The following WWOX variants were observed in gnomAD, a reference collection of about 807,000 sequenced individuals.
WWOX encodes WW domain-containing oxidoreductase.
Under a neutral mutation model 46.2 loss-of-function variants are expected in WWOX, and 69 were observed. The ratio of observed to expected loss-of-function variants is 1.49; its 90% CI spans 1.23 to 1.82. The LOEUF (loss-of-function observed/expected upper bound fraction) is 1.82, where lower values mean the gene tolerates loss of function less well. WWOX is among the 40% of genes most tolerant of loss of function. The pLI is 0.00. For synonymous variants in WWOX, 359 were observed against 202.6 expected, an observed-to-expected ratio of 1.77 and a Z score of -6.56; for missense variants, 919 against 542.6, an observed-to-expected ratio of 1.69 and a Z score of -6.89.
intron 8 of WWOX, among the ~76,000 whole-genome samples, chr16:78,450,675 G>A (rs949462182): frequency 2.0e-5 from 3 of 151,914 alleles, no homozygotes. Context: ...TCTGTTTTTT[G>A]ATCTTAGAAC....
At chr16:79,129,538 A>G (rs1325657613) in intron 8 of WWOX, among the ~76,000 whole-genome samples, 2 of 151,794 alleles carry the variant, frequency 1.3e-5, no homozygotes, top group East Asian at 1.9e-4. Context: ...TTTATTCCGA[A>G]AGACTGCTGT....
At chr16:78,965,585 G>T (rs941824897) in intron 8 of WWOX, among the ~76,000 whole-genome samples, 1 of 149,122 alleles carries the variant, frequency 6.7e-6, no homozygotes, top group African/African-American at 2.5e-5. Flanking sequence ...AAAAAAAAAT[G>T]CCCGCCTTAT....
At chr16:78,334,560 A>G (rs747025929) in intron 5 of WWOX, among the ~76,000 whole-genome samples, 12 of 152,320 alleles carry the variant, frequency 7.9e-5, no homozygotes, top group Admixed American at 2.0e-4. Flanking sequence ...ATTCTGTTCA[A>G]TTATTTTCAC....
intron 4 of WWOX, among the ~76,000 whole-genome samples, chr16:78,124,669 A>G (rs775386082): frequency 9.2e-5 from 14 of 152,206 alleles, no homozygotes; most frequent in Non-Finnish European, 1.8e-4. Flanking sequence ...ACACAAGCCT[A>G]ACTGAATGGG....
At chr16:79,186,107 G>C (rs763257256) in intron 8 of WWOX, among the ~76,000 whole-genome samples, 2 of 152,116 alleles carry the variant, frequency 1.3e-5, no homozygotes, top group Non-Finnish European at 2.9e-5. Flanking sequence ...GTGGGCCTCT[G>C]TGTTCACACA....
At chr16:78,842,222 A>T (rs2052170741) in intron 8 of WWOX, among the ~76,000 whole-genome samples, 1 of 151,928 alleles carries the variant, frequency 6.6e-6, no homozygotes, top group Non-Finnish European at 1.5e-5. Context: ...GGTTGGGTGC[A>T]GTGGCTCTCT....
intron 8 of WWOX, among the ~76,000 whole-genome samples, chr16:78,944,927 C>G (rs758912011): frequency 6.6e-6 from 1 of 152,068 alleles, no homozygotes; most frequent in Non-Finnish European, 1.5e-5. Context: ...ACCTGTAATC[C>G]CAGCACTTTC....
chr16:78,621,772 T>G (rs2046195263), intron 8 of WWOX, among the ~76,000 whole-genome samples: 1 of 151,526 alleles, frequency 6.6e-6, no homozygotes, highest in African/African-American at 2.4e-5. Context: ...GCCTGGCTAA[T>G]TTTTTGTATT....
chr16:78,727,796 G>A (rs2048871374), intron 8 of WWOX, among the ~76,000 whole-genome samples: 1 of 152,028 alleles, frequency 6.6e-6, no homozygotes, highest in African/African-American at 2.4e-5. Flanking sequence ...GACAGGGAAT[G>A]GTAGAGTGTG....
chr16:78,513,910 T>C (rs1441837848), intron 8 of WWOX, among the ~76,000 whole-genome samples: 1 of 130,626 alleles, frequency 7.7e-6, no homozygotes, highest in Non-Finnish European at 1.5e-5. Flanking sequence ...CCCCCCCACT[T>C]GTATCACTTT....
intron 5 of WWOX, among the ~76,000 whole-genome samples, chr16:78,174,634 C>G (rs920563283): frequency 2.0e-5 from 3 of 152,136 alleles, no homozygotes; most frequent in Admixed American, 6.6e-5. Flanking sequence ...TTTAAATGAT[C>G]AAAGCACTGG....
chr16:78,879,502 CAA>C (rs61148764), intron 8 of WWOX, among the ~76,000 whole-genome samples: 4 of 140,938 alleles, frequency 2.8e-5, no homozygotes, highest in African/African-American at 2.6e-5. Context: ...AGTCCACTCT[CAA>C]AAAAAAAAAA....
chr16:78,860,699 G>A (rs971228214), intron 8 of WWOX, among the ~76,000 whole-genome samples: 2 of 152,212 alleles, frequency 1.3e-5, no homozygotes, highest in South Asian at 4.1e-4. Context: ...TGTTAGCAGT[G>A]CCAACATCCG....
At chr16:78,524,595 A>G (rs2043419060) in intron 8 of WWOX, among the ~76,000 whole-genome samples, 1 of 151,400 alleles carries the variant, frequency 6.6e-6, no homozygotes, top group Non-Finnish European at 1.5e-5. Context: ...TAATTTTTAT[A>G]TTTTTAGTAA....
intron 8 of WWOX, among the ~76,000 whole-genome samples, chr16:78,627,535 A>AGGTCAG (rs2046337722): frequency 6.6e-6 from 1 of 152,190 alleles, no homozygotes; most frequent in Admixed American, 6.5e-5. Context: ...CACCAATGAG[A>AGGTCAG]GTTCAGGTGT....
chr16:78,159,839 A>C (rs2034732572), intron 4 of WWOX, among the ~76,000 whole-genome samples: 2 of 151,780 alleles, frequency 1.3e-5, no homozygotes, highest in Admixed American at 1.3e-4. Flanking sequence ...TTTTAGTTTT[A>C]CGTAACCTCA....
At chr16:78,205,401 C>T (rs1213402973) in intron 5 of WWOX, among the ~76,000 whole-genome samples, 2 of 152,074 alleles carry the variant, frequency 1.3e-5, no homozygotes, top group African/African-American at 2.4e-5. Context: ...TCCATCCAAC[C>T]GTCCTTGCAT....
intron 8 of WWOX, among the ~76,000 whole-genome samples, chr16:78,947,462 G>C (rs1050818899): frequency 6.6e-6 from 1 of 152,258 alleles, no homozygotes; most frequent in African/African-American, 2.4e-5. Context: ...GTGAGGAAAC[G>C]CTCTCTTCTT....
rs527648114 is a variant in WWOX at position 78,779,569 on chromosome 16, A to C, written c.1056+346817A>C. Among the ~76,000 whole-genome samples the C allele has an allele frequency of 1.1e-3, 174 of 152,278 alleles. 1 individual carries two copies. Among genetic ancestry groups the C allele is most frequent in the African/African-American group, 4.1e-3 (169 of 41,550 alleles). ...GCTCAGCTCTTTGTACAGATTGTTT[A>C]ACCCTCACAAGTCTATGAATAGAGT... On this transcript the variant is annotated intron_variant, in intron 8 of 8. Coordinates refer to ENST00000566780, the MANE Select transcript of WWOX (RefSeq NM_016373.4).
Sources: gnomAD v4.1 joint callset for allele counts (sites outside exome capture counted in the v4.1 genomes callset) on GRCh38, gnomAD v4.1.1 for gene constraint, MANE v1.5 for transcripts, NCBI Gene and HGNC (gene_info 2026-07-23, HGNC 2026-07-21) for gene names.